SSBP3: variants seen among roughly 807,000 people sequenced by gnomAD.
The protein encoded by SSBP3 is single-stranded DNA-binding protein 3.
SSBP3 carries 5 observed loss-of-function variants against 69.6 expected under a neutral mutation model. The observed-to-expected ratio is 0.07, with a 90% CI of 0.04 to 0.15. SSBP3 has a LOEUF of 0.15. SSBP3 is among the 10% of genes least tolerant of loss of function. The pLI is 1.00. For missense variants in SSBP3, 312 were observed against 534.0 expected (o/e 0.58, Z 4.10); for synonymous variants, 196 against 193.4 (o/e 1.01, Z -0.11).
exon 7 of SSBP3, chr1:54,257,173 G>A: frequency 6.2e-7 from 1 of 1,601,470 alleles, no homozygotes; most frequent in Non-Finnish European, 8.5e-7. Context: ...TGCGTATCGC[G>A]GTGACATAAA....
chr1:54,355,854 C>T (rs1030426679), intron 4 of SSBP3, among the ~76,000 whole-genome samples: 4 of 152,182 alleles, frequency 2.6e-5, no homozygotes, highest in Non-Finnish European at 4.4e-5. Flanking sequence ...CGAGGGGACA[C>T]GATCCCACGT....
At chr1:54,385,645 C>T (rs1570014977) in intron 4 of SSBP3, among the ~76,000 whole-genome samples, 1 of 152,350 alleles carries the variant, frequency 6.6e-6, no homozygotes, top group Non-Finnish European at 1.5e-5. Flanking sequence ...TGCTTCTAAA[C>T]GTGCCCCAGA....
At chr1:54,400,041 T>G (rs942166581) in intron 4 of SSBP3, among the ~76,000 whole-genome samples, 2 of 152,190 alleles carry the variant, frequency 1.3e-5, no homozygotes, top group African/African-American at 4.8e-5. Context: ...ATCTTCTAAA[T>G]GTCAACGCCA....
intron 7 of SSBP3, among the ~76,000 whole-genome samples, chr1:54,253,601 C>G (rs1644869777): frequency 6.6e-6 from 1 of 152,214 alleles, no homozygotes; most frequent in Admixed American, 6.5e-5. Flanking sequence ...TTCTCCCAGC[C>G]CTGCTTCCTG....
At chr1:54,387,063 C>T (rs868139542) in intron 4 of SSBP3, among the ~76,000 whole-genome samples, 2 of 152,162 alleles carry the variant, frequency 1.3e-5, no homozygotes, top group East Asian at 1.9e-4. Context: ...TAAGAACATC[C>T]GTTCCATCCG....
In SSBP3 at chr1:54,314,816, CCA is replaced by C. The variant is rs1326833235; in HGVS notation, c.277-33291_277-33290del. ...GCAAAGGAGGTGAATGAGGAGGCTT[CCA>C]GTGTCCCCTCCCAGTATGAAGTCAA... On this transcript the variant is annotated intron_variant, in intron 4 of 17. Transcript: ENST00000610401. 2.1e-4 allele frequency among the ~76,000 whole-genome samples: 32 copies of C among 152,284 alleles called. 1 individual carries two copies. In the South Asian group the frequency reaches 3.7e-3, roughly 18 times the overall value.
intron 4 of SSBP3, among the ~76,000 whole-genome samples, chr1:54,284,528 C>T (rs1025640476): frequency 6.6e-6 from 1 of 151,994 alleles, no homozygotes; most frequent in Non-Finnish European, 1.5e-5. Flanking sequence ...AGTGCAGTGG[C>T]CCGATCATTG....
At chr1:54,243,975 G>A (rs184932741) in intron 9 of SSBP3, among the ~76,000 whole-genome samples, 1 of 152,300 alleles carries the variant, frequency 6.6e-6, no homozygotes, top group Admixed American at 6.5e-5. Flanking sequence ...TGTTGCCTAG[G>A]CTAGAGTGCA....
intron 4 of SSBP3, among the ~76,000 whole-genome samples, chr1:54,341,376 C>CAT (rs1424109531): frequency 5.3e-5 from 8 of 152,164 alleles, no homozygotes; most frequent in Non-Finnish European, 1.2e-4. Flanking sequence ...ATCCTGACCT[C>CAT]ACAGTGGGCC....
chr1:54,254,343 C>T (rs1368989466), intron 7 of SSBP3, among the ~76,000 whole-genome samples: 1 of 152,192 alleles, frequency 6.6e-6, no homozygotes, highest in Admixed American at 6.5e-5. Context: ...GGACCTCTGC[C>T]GAGATGTGTG....
At chr1:54,337,014 G>C (rs1453240756) in intron 4 of SSBP3, among the ~76,000 whole-genome samples, 1 of 152,208 alleles carries the variant, frequency 6.6e-6, no homozygotes, top group Admixed American at 6.5e-5. Flanking sequence ...TGTGCAACTG[G>C]TATCTTGACA....
chr1:54,321,776 G>C (rs923832758), intron 4 of SSBP3, among the ~76,000 whole-genome samples: 3 of 152,218 alleles, frequency 2.0e-5, no homozygotes, highest in African/African-American at 7.2e-5. Flanking sequence ...TGGAAATTAA[G>C]AGCAGAATGA....
chr1:54,242,351 G>A (rs757790612), intron 10 of SSBP3, 139 bp from the exon 11 acceptor site: 3 of 881,182 alleles, frequency 3.4e-6, no homozygotes, highest in Non-Finnish European at 5.4e-6. Context: ...GAGCCTTCTG[G>A]CTCAGGGCAG....
At chr1:54,283,443 TG>T (rs1220138254) in intron 4 of SSBP3, among the ~76,000 whole-genome samples, 2 of 152,182 alleles carry the variant, frequency 1.3e-5, no homozygotes, top group Non-Finnish European at 2.9e-5. Flanking sequence ...CTAAGTGGGA[TG>T]ACTGTGGGCA....
intron 13 of SSBP3, 28 bp from the exon 14 acceptor site, chr1:54,239,227 G>T: frequency 6.4e-7 from 1 of 1,565,394 alleles, no homozygotes; most frequent in Non-Finnish European, 8.7e-7. Context: ...CCCACAAGTC[G>T]GGGTGATTAA....
intron 5 of SSBP3, among the ~76,000 whole-genome samples, chr1:54,263,813 T>C (rs1339559977): frequency 6.6e-6 from 1 of 152,126 alleles, no homozygotes; most frequent in Non-Finnish European, 1.5e-5. Flanking sequence ...GCGACCACAC[T>C]GCCATGGGCA....
Position 54,234,354 on chromosome 1 carries a change from A to AT in SSBP3, c.927+4774dup, listed in dbSNP as rs903898953. ...CCAAGAATTATCAATAAAAAAATAAATTAAAAAAAATAAATAAAAATAAAA... is the reference window on the plus strand; with the variant it reads ...CCAAGAATTATCAATAAAAAAATAAATTTAAAAAAAATAAATAAAAATAAAA... On this transcript the variant is annotated intron_variant, in intron 14 of 17. Coordinates refer to ENST00000610401, the Ensembl canonical transcript of SSBP3. Among the ~76,000 whole-genome samples, 126 of 118,410 alleles carry AT rather than the reference A, an allele frequency of 1.1e-3. 2 individuals are homozygous for AT. The highest frequency in any genetic ancestry group is 3.8e-3 in the African/African-American group (118 of 31,210). The allele number at this position is 118,410 out of a possible 152,430, so 77.7% of individuals were successfully genotyped here.
At chr1:54,307,012 A>G (rs1645912540) in intron 4 of SSBP3, among the ~76,000 whole-genome samples, 1 of 152,174 alleles carries the variant, frequency 6.6e-6, no homozygotes, top group Non-Finnish European at 1.5e-5. Context: ...CTCAAGCAGC[A>G]TTCCAGCTGT....
At chr1:54,285,008 A>G (rs1314184291) in intron 4 of SSBP3, among the ~76,000 whole-genome samples, 4 of 152,166 alleles carry the variant, frequency 2.6e-5, no homozygotes, top group Non-Finnish European at 5.9e-5. Flanking sequence ...CTGTTCTCCA[A>G]TGAAGGAGGA....
Sources: gnomAD v4.1 joint callset for allele counts (sites outside exome capture counted in the v4.1 genomes callset) on GRCh38, gnomAD v4.1.1 for gene constraint, MANE v1.5 for transcripts, NCBI Gene and HGNC (gene_info 2026-07-23, HGNC 2026-07-21) for gene names.